Variants in INTU observed in about 807,000 individuals in gnomAD.
INTU encodes protein inturned.
A neutral mutation model predicts 100.5 loss-of-function variants in INTU; 68 were observed. The ratio of observed to expected loss-of-function variants is 0.68; its 90% confidence interval spans 0.56 to 0.83. The LOEUF (loss-of-function observed/expected upper bound fraction) is 0.83, where lower values mean the gene tolerates loss of function less well. Among genes scored for constraint, INTU ranks in the 40% least tolerant of loss-of-function variants. INTU has a pLI of 0.00. For missense variants in INTU, 1,071 were observed against 1,114.7 expected (o/e 0.96, Z 0.56); for synonymous variants, 357 against 395.7 (o/e 0.90, Z 1.16).
At position 127,706,471 on chromosome 4, in the gene INTU, A is replaced by AT. The variant is rs1318956194; in HGVS notation, c.1789-9dup. On this transcript the variant is annotated splice_polypyrimidine_tract_variant and intron_variant, in intron 11 of 15. Coordinates refer to ENST00000335251, the MANE Select transcript of INTU (RefSeq NM_015693.4). ...CATGGTAGCTAAACCTACATTTGTA[A>AT]TTTTTTTCCCTATAGAAACATTATA... 2.5e-6 allele frequency: 4 copies of AT among 1,579,304 alleles called. No individual in the cohort carries two copies. The highest frequency in any genetic ancestry group is 4.5e-5 in the East Asian group (2 of 44,480).
rs1203054664 is a variant in INTU at position 127,724,676 on chromosome 4, A to G, written c.*8240A>G. ...GGTTCGATGCCCCCAAGACATTCCA[A>G]CACTGAGCTGTTTCTTCTCCAGGTC... On this transcript the variant is annotated 3_prime_UTR_variant, in exon 16 of 16. Transcript: ENST00000335251. The G allele has an allele frequency of 6.6e-6, 1 of 152,164 alleles. No individual in the cohort carries two copies. Among genetic ancestry groups the G allele is most frequent in the Non-Finnish European group, 1.5e-5 (1 of 68,042 alleles). 9.4% of individuals were successfully genotyped at this position (152,164 alleles called of 1,614,324 possible). A position where few individuals can be genotyped will look rare whatever the true frequency, so the allele number is the denominator to read the frequency against.
In INTU at chr4:127,725,414, G is replaced by A. The variant is rs1172151467; in HGVS notation, c.*8978G>A. 2.6e-5 allele frequency: 4 copies of A among 152,164 alleles called. No homozygotes were observed. Among genetic ancestry groups the A allele is most frequent in the Non-Finnish European group, 5.9e-5 (4 of 68,020 alleles). The allele number at this position is 152,164 out of a possible 1,614,324, so 9.4% of individuals were successfully genotyped here. On this transcript the variant is annotated 3_prime_UTR_variant, in exon 16 of 16. Coordinates refer to ENST00000335251, the MANE Select transcript of INTU (RefSeq NM_015693.4). ...TAGGACTGCTTATTTACATATATATGTATTAAGACACTTTGGTTAAAACAA... is the reference window on the plus strand; with the variant it reads ...TAGGACTGCTTATTTACATATATATATATTAAGACACTTTGGTTAAAACAA...
chr4:127,680,835 T>G (rs1293015206), intron 6 of INTU, among the ~76,000 whole-genome samples: 5 of 151,950 alleles, frequency 3.3e-5, no homozygotes, highest in African/African-American at 9.7e-5. Flanking sequence ...GATGACATAA[T>G]TGTATATCTA....
At chr4:127,665,672 A>G (rs992715966) in intron 4 of INTU, among the ~76,000 whole-genome samples, 32 of 152,244 alleles carry the variant, frequency 2.1e-4, no homozygotes, top group African/African-American at 6.3e-4. Flanking sequence ...CCTTTCTTCT[A>G]GTGTTCCTAT....
chr4:127,646,387 G>A (rs1727590045), intron 2 of INTU, among the ~76,000 whole-genome samples: 1 of 152,050 alleles, frequency 6.6e-6, no homozygotes, highest in South Asian at 2.1e-4. Flanking sequence ...CCTTTCAGTG[G>A]TGTTTCCTGT....
At chr4:127,673,667 G>A (rs1729038922) in intron 5 of INTU, among the ~76,000 whole-genome samples, 1 of 151,260 alleles carries the variant, frequency 6.6e-6, no homozygotes, top group African/African-American at 2.4e-5. Flanking sequence ...CACAATCTTG[G>A]CTCACTGCAA....
chr4:127,710,130 T>C (rs187625883), intron 13 of INTU, among the ~76,000 whole-genome samples: 68 of 152,288 alleles, frequency 4.5e-4, no homozygotes, highest in African/African-American at 1.4e-3. Flanking sequence ...AAAAGGAGAC[T>C]CTTTTTTCAA....
chr4:127,706,393 C>A, intron 11 of INTU, 94 bp from the exon 12 acceptor site: 3 of 1,064,712 alleles, frequency 2.8e-6, no homozygotes, highest in Non-Finnish European at 4.0e-6. Context: ...CCATAGGCCT[C>A]TATGTCTTCG....
intron 13 of INTU, among the ~76,000 whole-genome samples, chr4:127,710,220 TTA>T (rs1355821173): frequency 6.6e-6 from 1 of 152,138 alleles, no homozygotes; most frequent in African/African-American, 2.4e-5. Flanking sequence ...AGATGTGTGT[TTA>T]TTCTCATTAT....
chr4:127,670,338 A>G (rs529735204), intron 5 of INTU, among the ~76,000 whole-genome samples: 51 of 152,008 alleles, frequency 3.4e-4, no homozygotes, highest in South Asian at 1.0e-3. Flanking sequence ...TGACATTTCT[A>G]TGATTTTAAA....
At chr4:127,696,654 A>G (rs1296618795) in intron 8 of INTU, among the ~76,000 whole-genome samples, 2 of 149,952 alleles carry the variant, frequency 1.3e-5, no homozygotes, top group African/African-American at 2.5e-5. Flanking sequence ...ATTTTTCTCT[A>G]CGGCTTTCCT....
intron 4 of INTU, among the ~76,000 whole-genome samples, chr4:127,664,333 A>G (rs1035449564): frequency 6.6e-6 from 1 of 152,024 alleles, no homozygotes; most frequent in Admixed American, 6.6e-5. Flanking sequence ...TCCAAATTCT[A>G]TGCCCTTTCT....
At chr4:127,634,905 C>T (rs994737408) in intron 1 of INTU, among the ~76,000 whole-genome samples, 1 of 152,190 alleles carries the variant, frequency 6.6e-6, no homozygotes, top group Non-Finnish European at 1.5e-5. Flanking sequence ...AAACAGTGGC[C>T]TTCCCAACTT....
At chr4:127,711,444 A>G (rs1473535107) in intron 14 of INTU, among the ~76,000 whole-genome samples, 1 of 152,152 alleles carries the variant, frequency 6.6e-6, no homozygotes, top group Non-Finnish European at 1.5e-5. Flanking sequence ...GGTTCCTAAA[A>G]TAACTCTGAT....
intron 14 of INTU, among the ~76,000 whole-genome samples, chr4:127,713,159 G>A (rs962853065): frequency 3.3e-5 from 5 of 152,178 alleles, no homozygotes; most frequent in Non-Finnish European, 7.3e-5. Flanking sequence ...TTTTTTTAAA[G>A]GATCACTCAG....
At position 127,669,160 on chromosome 4, in the gene INTU, A is replaced by C. The variant is rs1337763647; in HGVS notation, c.1091+6A>C. 4.5e-6 allele frequency: 6 copies of C among 1,322,308 alleles called. No individual in the cohort carries two copies. Among genetic ancestry groups the C allele is most frequent in the African/African-American group, 1.5e-5 (1 of 67,700 alleles). 81.9% of individuals were successfully genotyped at this position (1,322,308 alleles called of 1,614,324 possible). A position where few individuals can be genotyped will look rare whatever the true frequency, so the allele number is the denominator to read the frequency against. ...ACTGGGACACAAGTTACTAGGTAAT[A>C]ATTTTTATTTAGCTTTAATTCTGTT... On this transcript the variant is annotated splice_donor_region_variant and intron_variant, in intron 5 of 15. Transcript: ENST00000335251.
chr4:127,703,457 T>G (rs1280964008), intron 9 of INTU, among the ~76,000 whole-genome samples: 1 of 152,190 alleles, frequency 6.6e-6, no homozygotes, highest in African/African-American at 2.4e-5. Flanking sequence ...CCTTTTTCCA[T>G]ATACATACAT....
chr4:127,704,439 G>T (rs1203886596), intron 10 of INTU, 149 bp downstream of exon 10: 11 of 638,440 alleles, frequency 1.7e-5, no homozygotes, highest in Non-Finnish European at 2.9e-5. Context: ...TTAGAGACAG[G>T]GTCTTGCTCT....
At chr4:127,688,971 C>CTTT (rs763570146) in intron 8 of INTU, among the ~76,000 whole-genome samples, 165 of 87,692 alleles carry the variant, frequency 1.9e-3, no homozygotes, top group Non-Finnish European at 2.7e-3. Flanking sequence ...TTCTTTCTTT[C>CTTT]TTTTTTTTTT....
Sources: gnomAD v4.1 joint callset for allele counts (sites outside exome capture counted in the v4.1 genomes callset) on GRCh38, gnomAD v4.1.1 for gene constraint, MANE v1.5 for transcripts, NCBI Gene and HGNC (gene_info 2026-07-23, HGNC 2026-07-21) for gene names.